NBPF11: variants seen among roughly 807,000 people sequenced by gnomAD.
NBPF11 encodes NBPF member 11.
Under a neutral mutation model 93.9 loss-of-function variants are expected in NBPF11, and 72 were observed. The observed-to-expected ratio is 0.77, with a 90% CI of 0.63 to 0.93. The LOEUF (loss-of-function observed/expected upper bound fraction) is 0.93, where lower values mean the gene tolerates loss of function less well. Ranked by LOEUF, NBPF11 falls within the 40% of genes least tolerant of loss-of-function variation. The pLI, the probability that NBPF11 is intolerant of heterozygous loss-of-function variation, is 0.00. For missense variants in NBPF11, 705 were observed against 802.2 expected, an observed-to-expected ratio of 0.88 and a Z score of 1.46; for synonymous variants, 224 against 304.9, an observed-to-expected ratio of 0.73 and a Z score of 2.76.
intron 9 of NBPF11, among the ~76,000 whole-genome samples, chr1:148,120,996 G>A (rs1667691886): frequency 6.6e-6 from 1 of 151,994 alleles, no homozygotes; most frequent in Admixed American, 6.5e-5. Flanking sequence ...CAATGTTTCT[G>A]TGTAGCACAA....
chr1:148,133,448 G>T (rs1670753985), intron 4 of NBPF11, among the ~76,000 whole-genome samples: 5 of 152,066 alleles, frequency 3.3e-5, no homozygotes, highest in African/African-American at 9.7e-5. Flanking sequence ...TGTTACCTGT[G>T]GGTTCTTCAA....
Position 148,102,615 on chromosome 1 carries a change from A to AT in NBPF11, c.*1280dup, listed in dbSNP as rs1662585312. The AT allele has an allele frequency of 1.3e-5, 2 of 150,648 alleles. No individual in the cohort carries two copies. The highest frequency in any genetic ancestry group is 2.9e-5 in the Non-Finnish European group (2 of 67,950). 9.3% of individuals were successfully genotyped at this position (150,648 alleles called of 1,614,324 possible). On this transcript the variant is annotated 3_prime_UTR_variant, in exon 24 of 24. Transcript: ENST00000682118. ...TTAGGCTGAATTTAATTATGAAGACATTTTCAGACAACTTCAGAATGTAGA... is the reference window on the plus strand; with the variant it reads ...TTAGGCTGAATTTAATTATGAAGACATTTTTCAGACAACTTCAGAATGTAGA...
rs1670809555 is a variant in NBPF11 at position 148,133,701 on chromosome 1, G to A, written c.-36+1971C>T. ...GCCTGTAATCCCAGCACTTTGGGAG[G>A]CTGAGGCGGGCGGATCACACTTGTG... is the stretch of plus-strand genomic sequence containing the variant. On this transcript the variant is annotated intron_variant, in intron 4 of 23. Transcript: ENST00000682118. 2.0e-5 allele frequency among the ~76,000 whole-genome samples: 3 copies of A among 150,640 alleles called. No individual in the cohort carries two copies. In the South Asian group the frequency reaches 6.3e-4, roughly 32 times the overall value.
At position 148,150,214 on chromosome 1, in the gene NBPF11, C is replaced by T. The variant is rs1481065814; in HGVS notation, c.-549+1536G>A. On this transcript the variant is annotated intron_variant, in intron 1 of 23. Coordinates refer to ENST00000682118, the MANE Select transcript of NBPF11 (RefSeq NM_001385469.3). Reference sequence around the variant, plus strand: ...CCATCCAGGCCAGAGTGCACTGGCACGATCACTGCTCACTGCAATCTCAAC... The same window carrying T: ...CCATCCAGGCCAGAGTGCACTGGCATGATCACTGCTCACTGCAATCTCAAC... Among the ~76,000 whole-genome samples the T allele has an allele frequency of 1.2e-3, 179 of 146,016 alleles. 3 individuals are homozygous for T. In the Middle Eastern group the frequency reaches 0.014, roughly 11 times the overall value.
At chr1:148,106,823 A>T (rs1464436890) in intron 20 of NBPF11, 119 bp downstream of exon 20, 1 of 764,968 alleles carries the variant, frequency 1.3e-6, no homozygotes, top group Admixed American at 1.9e-5. Context: ...ATATGCACCC[A>T]TAGGTCCTGC....
chr1:148,133,635 A>AT (rs1670798492), intron 4 of NBPF11, among the ~76,000 whole-genome samples: 1 of 151,958 alleles, frequency 6.6e-6, no homozygotes, highest in Admixed American at 6.5e-5. Context: ...ATAAAATGAT[A>AT]TTTTTTAAAT....
In NBPF11 at chr1:148,120,645, C is replaced by T. The variant is rs1378510787; in HGVS notation, c.844G>A (p.Glu282Lys). The change falls in exon 10 of 24, where the codon GAG becomes AAG. Residue 282 changes from glutamate (E) to lysine (K), a missense_variant. Physicochemically the swap from Glu to Lys is moderately conservative, Grantham distance 56 (BLOSUM62 1). Transcript: ENST00000682118. ...MVVSAGPLSS[E>K]KAEMNILEIN... is the part of the protein sequence containing the mutation. Reference sequence around the variant, plus strand: ...TCTAGAATGTTCATCTCTGCCTTCTCGCTGGACAAAGGGCCGGCTGATACC... The same window carrying T: ...TCTAGAATGTTCATCTCTGCCTTCTTGCTGGACAAAGGGCCGGCTGATACC... 28 of 1,543,834 alleles carry T rather than the reference C, an allele frequency of 1.8e-5. No individual in the cohort carries two copies. The highest frequency in any genetic ancestry group is 2.3e-5 in the Non-Finnish European group (26 of 1,118,080).
intron 4 of NBPF11, chr1:148,135,003 C>G (rs1229220147): frequency 1.3e-5 from 2 of 150,574 alleles, no homozygotes; most frequent in Admixed American, 6.6e-5. Context: ...TCTCCTTCAT[C>G]ATAAAAGAAA....
chr1:148,125,970 T>C (rs1669012340), intron 5 of NBPF11, among the ~76,000 whole-genome samples: 1 of 151,968 alleles, frequency 6.6e-6, no homozygotes, highest in African/African-American at 2.4e-5. Context: ...AGGTACTCTC[T>C]GCTTTTTATT....
Position 148,126,898 on chromosome 1 carries a change from T to G in NBPF11, c.106A>C (p.Arg36=). Reference sequence around the variant, plus strand: ...AGAAAACATCTCTCTTTGAGGTTTCTGAACTGCTGTTTGTTCTCTGCCAAC... The same window carrying G: ...AGAAAACATCTCTCTTTGAGGTTTCGGAACTGCTGTTTGTTCTCTGCCAAC... ...PQLAENKQQF[R]NLKERCFLTQ... The change falls in exon 5 of 24, where the codon AGA becomes CGA. Residue 36 remains arginine, a synonymous_variant. Coordinates refer to ENST00000682118, the MANE Select transcript of NBPF11 (RefSeq NM_001385469.3). 1 of 1,422,242 alleles carries G rather than the reference T, an allele frequency of 7.0e-7. No homozygotes were observed. Among genetic ancestry groups the G allele is most frequent in the Non-Finnish European group, 9.8e-7 (1 of 1,022,482 alleles). The allele number at this position is 1,422,242 out of a possible 1,614,324, so 88.1% of individuals were successfully genotyped here.
In NBPF11 at chr1:148,141,908, C is replaced by T. The variant is rs1345000255; in HGVS notation, c.-277+1507G>A. ...AATGTAGATTTCAGTGCAGTGTGGTCTATTTAAAATAGTAGAACAAAAAGG... is the reference window on the plus strand; with the variant it reads ...AATGTAGATTTCAGTGCAGTGTGGTTTATTTAAAATAGTAGAACAAAAAGG... On this transcript the variant is annotated intron_variant, in intron 2 of 23. Coordinates refer to ENST00000682118, the MANE Select transcript of NBPF11 (RefSeq NM_001385469.3). Among the ~76,000 whole-genome samples the T allele has an allele frequency of 2.7e-5, 4 of 148,536 alleles. 1 individual carries two copies. The highest frequency in any genetic ancestry group is 7.5e-5 in the African/African-American group (3 of 39,992).
At chr1:148,117,112 T>A (rs1434698334) in intron 12 of NBPF11, among the ~76,000 whole-genome samples, 1 of 151,978 alleles carries the variant, frequency 6.6e-6, no homozygotes, top group Non-Finnish European at 1.5e-5. Context: ...CAGTTGTAAG[T>A]GTTCCCACAT....
intron 5 of NBPF11, among the ~76,000 whole-genome samples, chr1:148,125,675 A>G (rs1186872307): frequency 1.3e-5 from 2 of 152,090 alleles, no homozygotes; most frequent in African/African-American, 4.8e-5. Context: ...GAACTAATAG[A>G]TAGTGTTTAC....
rs1192217601 is a variant in NBPF11 at position 148,142,014 on chromosome 1, GAGGA to G, written c.-277+1397_-277+1400del. ...GGAGGGAGGGAGGGAAGGAGGGAGG[GAGGA>G]AGGAAGGAAGGGAGGGAGGAAGGAA... On this transcript the variant is annotated intron_variant, in intron 2 of 23. Transcript: ENST00000682118. Among the ~76,000 whole-genome samples the G allele has an allele frequency of 6.2e-5, 8 of 128,640 alleles. No homozygotes were observed. In the East Asian group the frequency reaches 8.8e-4, roughly 14 times the overall value. The allele number at this position is 128,640 out of a possible 152,430, so 84.4% of individuals were successfully genotyped here. A position where few individuals can be genotyped will look rare whatever the true frequency, so the allele number is the denominator to read the frequency against.
chr1:148,138,171 C>A (rs2149282857), intron 2 of NBPF11, among the ~76,000 whole-genome samples: 1 of 150,400 alleles, frequency 6.6e-6, no homozygotes, highest in South Asian at 2.1e-4. Flanking sequence ...ACATAAACAT[C>A]TCAATGCCTT....
At chr1:148,139,082 A>C (rs1671796872) in intron 2 of NBPF11, among the ~76,000 whole-genome samples, 3 of 151,146 alleles carry the variant, frequency 2.0e-5, no homozygotes, top group Non-Finnish European at 4.4e-5. Context: ...AAGAGAAATA[A>C]CTCCATCTCC....
chr1:148,149,257 G>A, intron 1 of NBPF11: 2 of 1,595,804 alleles, frequency 1.3e-6, no homozygotes, highest in African/African-American at 1.3e-5. Flanking sequence ...GTGCCGCGGT[G>A]GTGCTGCACT....
At position 148,103,687 on chromosome 1, in the gene NBPF11, T is replaced by C. The variant is rs1459682327; in HGVS notation, c.*209A>G. ...GGGCTGCTTATTGTGGGAATATGACTCCCATCTGGAAGACCAGGTGGAGAC... is the reference window on the plus strand; with the variant it reads ...GGGCTGCTTATTGTGGGAATATGACCCCCATCTGGAAGACCAGGTGGAGAC... On this transcript the variant is annotated 3_prime_UTR_variant, in exon 24 of 24. Coordinates refer to ENST00000682118, the MANE Select transcript of NBPF11 (RefSeq NM_001385469.3). The C allele has an allele frequency of 1.6e-5, 25 of 1,611,228 alleles. No homozygotes were observed. The African/African-American group carries it at 2.4e-4, about 16-fold the overall frequency.
At chr1:148,151,561 C>T (rs1267187957) in intron 1 of NBPF11, among the ~76,000 whole-genome samples, 189 bp downstream of exon 1, 2 of 152,106 alleles carry the variant, frequency 1.3e-5, no homozygotes, top group Non-Finnish European at 2.9e-5. Flanking sequence ...CGGGCTGCAG[C>T]GGCAGGCGAG....
Sources: gnomAD v4.1 joint callset for allele counts (sites outside exome capture counted in the v4.1 genomes callset) on GRCh38, gnomAD v4.1.1 for gene constraint, MANE v1.5 for transcripts, NCBI Gene and HGNC (gene_info 2026-07-23, HGNC 2026-07-21) for gene names.